Variants in PKIB observed in about 807,000 individuals in gnomAD.
PKIB encodes cAMP-dependent protein kinase inhibitor beta.
Under a neutral mutation model 4.5 loss-of-function variants are expected in PKIB, and 2 were observed. The observed-to-expected ratio is 0.44, with a 90% CI of 0.18 to 1.39. The LOEUF is 1.39. Among genes scored for constraint, PKIB ranks in the 40% most tolerant of loss-of-function variants. The pLI is 0.27. For synonymous variants in PKIB, 38 were observed against 36.0 expected, an observed-to-expected ratio of 1.06 and a Z score of -0.20; for missense variants, 94 against 92.6, an observed-to-expected ratio of 1.02 and a Z score of -0.06.
chr6:122,626,819 A>T (rs1391686115), intron 1 of PKIB, among the ~76,000 whole-genome samples: 3 of 152,208 alleles, frequency 2.0e-5, no homozygotes, highest in African/African-American at 7.2e-5. Context: ...GAACACACAG[A>T]TCCTTCTTAA....
chr6:122,491,498 C>T (rs1460192088), intron 2 of PKIB, among the ~76,000 whole-genome samples: 1 of 152,164 alleles, frequency 6.6e-6, no homozygotes, highest in African/African-American at 2.4e-5. Flanking sequence ...GAGCCCTCTC[C>T]TCCCCCGCTC....
intron 3 of PKIB, among the ~76,000 whole-genome samples, chr6:122,602,712 C>T (rs1264530326): frequency 6.6e-6 from 1 of 151,928 alleles, no homozygotes; most frequent in East Asian, 1.9e-4. Context: ...GCCAGGAGTT[C>T]GAGACCAGCC....
intron 2 of PKIB, among the ~76,000 whole-genome samples, chr6:122,490,412 T>C (rs1327281769): frequency 2.6e-5 from 4 of 152,126 alleles, no homozygotes; most frequent in African/African-American, 7.2e-5. Flanking sequence ...GGTTTGGATG[T>C]TTACCTCTTC....
intron 2 of PKIB, among the ~76,000 whole-genome samples, chr6:122,486,668 T>C (rs1181348982): frequency 1.3e-5 from 2 of 152,136 alleles, no homozygotes; most frequent in African/African-American, 4.8e-5. Flanking sequence ...TTCCTCAAGT[T>C]CTAACATTTC....
intron 2 of PKIB, among the ~76,000 whole-genome samples, chr6:122,488,010 G>A (rs529973742): frequency 1.8e-4 from 27 of 152,206 alleles, no homozygotes; most frequent in African/African-American, 6.5e-4. Context: ...TCTTTAGTAA[G>A]TATTTTGGAG....
At chr6:122,480,934 T>C (rs554368342) in intron 2 of PKIB, 204 of 152,322 alleles carry the variant, frequency 1.3e-3, no homozygotes, top group African/African-American at 4.7e-3. Flanking sequence ...TTTGTTCTTT[T>C]TAAAAAACTT....
At chr6:122,506,818 G>A (rs1479562715) in intron 2 of PKIB, among the ~76,000 whole-genome samples, 2 of 148,334 alleles carry the variant, frequency 1.3e-5, no homozygotes, top group East Asian at 4.0e-4. Context: ...TCCTGCCTCA[G>A]CCTCCCGAGT....
chr6:122,589,771 G>T (rs1582718377), intron 3 of PKIB, among the ~76,000 whole-genome samples: 1 of 151,970 alleles, frequency 6.6e-6, no homozygotes, highest in South Asian at 2.1e-4. Context: ...ACAGGAAAAA[G>T]AAAATAACAA....
chr6:122,583,738 C>A (rs900911332), intron 2 of PKIB, among the ~76,000 whole-genome samples: 1 of 151,990 alleles, frequency 6.6e-6, no homozygotes, highest in African/African-American at 2.4e-5. Context: ...CAATGATTAC[C>A]CATTCTAGAT....
At chr6:122,715,459 T>C (rs1779447403) in intron 3 of PKIB, among the ~76,000 whole-genome samples, 1 of 151,880 alleles carries the variant, frequency 6.6e-6, no homozygotes, top group South Asian at 2.1e-4. Flanking sequence ...ACTTCCAAAC[T>C]AGCCACTTCT....
chr6:122,616,147 A>G (rs1198799111), intron 1 of PKIB, among the ~76,000 whole-genome samples: 4 of 152,172 alleles, frequency 2.6e-5, no homozygotes, highest in African/African-American at 4.8e-5. Context: ...CAGAAGGAAA[A>G]TGGGAGAAAA....
chr6:122,633,938 C>CTATCTATT (rs1486608616), intron 2 of PKIB, among the ~76,000 whole-genome samples: 3 of 150,352 alleles, frequency 2.0e-5, no homozygotes, highest in African/African-American at 7.4e-5. Context: ...TCCTATCTAT[C>CTATCTATT]TATCTATCTA....
chr6:122,515,571 ATTACT>A (rs974231294), intron 2 of PKIB, among the ~76,000 whole-genome samples: 37 of 152,360 alleles, frequency 2.4e-4, no homozygotes, highest in Non-Finnish European at 1.5e-5. Context: ...TCCTTGAGAA[ATTACT>A]TTAAGAACAG....
intron 1 of PKIB, among the ~76,000 whole-genome samples, chr6:122,611,331 G>A (rs1332888476): frequency 1.3e-5 from 2 of 152,134 alleles, no homozygotes; most frequent in Non-Finnish European, 2.9e-5. Flanking sequence ...AGAGCTCCCC[G>A]GGGAACGCAG....
At chr6:122,547,877 G>A (rs115034355) in intron 2 of PKIB, among the ~76,000 whole-genome samples, 1,947 of 115,318 alleles carry the variant, frequency 0.017, 43 homozygotes, top group African/African-American at 0.056. Flanking sequence ...GGAGTTATGC[G>A]TCTGTGCTCC....
chr6:122,541,865 G>A (rs1013742003), intron 2 of PKIB, among the ~76,000 whole-genome samples: 1 of 151,686 alleles, frequency 6.6e-6, no homozygotes, highest in Non-Finnish European at 1.5e-5. Flanking sequence ...CATATTTCTC[G>A]GAGGCTTTGT....
chr6:122,688,782 CT>C (rs34877015), intron 3 of PKIB, among the ~76,000 whole-genome samples: 126 of 139,072 alleles, frequency 9.1e-4, no homozygotes, highest in Middle Eastern at 7.7e-3. Flanking sequence ...ATGAGCCTTT[CT>C]TTTTTTTTTT....
At position 122,579,106 on chromosome 6, in the gene PKIB, T is replaced by C. The variant is rs1773631371; in HGVS notation, c.-247-6815T>C. Among the ~76,000 whole-genome samples, 3 of 152,210 alleles carry C rather than the reference T, an allele frequency of 2.0e-5. No individual in the cohort carries two copies. In the South Asian group the frequency reaches 6.2e-4, roughly 32 times the overall value. ...TGAGAATGGACTAGTACACTTCCCC[T>C]GCTCCAACCATTTTCATGACTTCTC... On this transcript the variant is annotated intron_variant, in intron 2 of 6. Coordinates refer to the PKIB transcript ENST00000392491.
At chr6:122,581,530 G>T (rs1773704457) in intron 2 of PKIB, among the ~76,000 whole-genome samples, 1 of 152,156 alleles carries the variant, frequency 6.6e-6, no homozygotes, top group South Asian at 2.1e-4. Context: ...GCAAGACTAG[G>T]TTAATTTAAA....
Sources: allele counts gnomAD v4.1 joint callset (sites outside exome capture counted in the v4.1 genomes callset), GRCh38; gene constraint gnomAD v4.1.1; transcripts MANE v1.5; gene names NCBI Gene and HGNC (gene_info 2026-07-23, HGNC 2026-07-21).